The following CLDN14 variants were observed in gnomAD, a reference collection of about 807,000 sequenced individuals.
CLDN14 encodes the protein claudin-14.
A neutral mutation model predicts 2.1 loss-of-function variants in CLDN14; 2 were observed. That is an observed-to-expected ratio of 0.96 (90% CI 0.39 to 3.01). The LOEUF is 3.01. Among genes scored for constraint, CLDN14 ranks in the 30% most tolerant of loss-of-function variants. The pLI is 0.09. For synonymous variants in CLDN14, 136 were observed against 154.4 expected, an observed-to-expected ratio of 0.88 and a Z score of 0.88; for missense variants, 298 against 328.0, an observed-to-expected ratio of 0.91 and a Z score of 0.71.
intron 1 of CLDN14, among the ~76,000 whole-genome samples, chr21:36,475,910 G>T (rs2086772914): frequency 6.6e-6 from 1 of 152,052 alleles, no homozygotes; most frequent in African/African-American, 2.4e-5. Context: ...GACTTCAAAT[G>T]ATCTGCCCTC....
At chr21:36,574,032 C>T (rs2087726227) in intron 1 of CLDN14, among the ~76,000 whole-genome samples, 1 of 151,998 alleles carries the variant, frequency 6.6e-6, no homozygotes, top group South Asian at 2.1e-4. Context: ...CAGCAAGTTT[C>T]TTTTAAAGAA....
chr21:36,506,280 A>G (rs2087131870), intron 2 of CLDN14, among the ~76,000 whole-genome samples: 1 of 152,260 alleles, frequency 6.6e-6, no homozygotes, highest in Non-Finnish European at 1.5e-5. Context: ...CAGTGTGTAC[A>G]GCATGATCCT....
At chr21:36,492,767 T>A (rs1028807636) in intron 2 of CLDN14, among the ~76,000 whole-genome samples, 2 of 152,194 alleles carry the variant, frequency 1.3e-5, no homozygotes, top group African/African-American at 4.8e-5. Flanking sequence ...ATGATGCGAC[T>A]ACAAGCCAGG....
At chr21:36,568,887 T>C (rs1029063369) in intron 1 of CLDN14, among the ~76,000 whole-genome samples, 14 of 152,220 alleles carry the variant, frequency 9.2e-5, no homozygotes, top group African/African-American at 3.4e-4. Context: ...TTGAATCCAA[T>C]AACCCATCAA....
chr21:36,529,527 A>G (rs2087363015), intron 1 of CLDN14, among the ~76,000 whole-genome samples: 1 of 152,120 alleles, frequency 6.6e-6, no homozygotes, highest in South Asian at 2.1e-4. Context: ...GATCTGCCAG[A>G]GGCCTCCCAA....
At chr21:36,567,355 T>C (rs2087680621) in intron 1 of CLDN14, among the ~76,000 whole-genome samples, 2 of 152,228 alleles carry the variant, frequency 1.3e-5, no homozygotes, top group South Asian at 2.1e-4. Flanking sequence ...AATTAAGAGA[T>C]AGAGAAGCCC....
intron 1 of CLDN14, among the ~76,000 whole-genome samples, chr21:36,545,535 C>G (rs2087520643): frequency 6.6e-6 from 1 of 152,172 alleles, no homozygotes; most frequent in African/African-American, 2.4e-5. Context: ...TAGAGGGGCT[C>G]TTTGTGCCTA....
In CLDN14 at chr21:36,493,916, G is replaced by A. The variant is rs923820274; in HGVS notation, c.-82+16447C>T. The stretch of plus-strand genomic sequence containing the variant: ...CCCAAAGCAGGTATAGAGTGGCTGG[G>A]CACCAAGTCCTGGCTGGGAGCCAGT... On this transcript the variant is annotated intron_variant, in intron 2 of 2. Transcript: ENST00000342108. 2.6e-5 allele frequency among the ~76,000 whole-genome samples: 4 copies of A among 152,292 alleles called. No individual in the cohort carries two copies. The East Asian group carries it at 7.7e-4, about 29-fold the overall frequency.
At chr21:36,536,726 A>C (rs1302333499) in intron 1 of CLDN14, among the ~76,000 whole-genome samples, 1 of 152,222 alleles carries the variant, frequency 6.6e-6, no homozygotes. Flanking sequence ...ATGTTAAGAA[A>C]ATATTTTCTC....
intron 1 of CLDN14, among the ~76,000 whole-genome samples, chr21:36,526,839 T>C (rs1445867959): frequency 2.0e-5 from 3 of 152,116 alleles, no homozygotes; most frequent in East Asian, 1.9e-4. Context: ...AGGCAGCTGC[T>C]AGGTATGGTT....
chr21:36,550,543 T>C (rs1174127727), intron 1 of CLDN14, among the ~76,000 whole-genome samples: 1 of 152,158 alleles, frequency 6.6e-6, no homozygotes, highest in Non-Finnish European at 1.5e-5. Context: ...CGCCAGGGTT[T>C]CTCAGGTGCT....
chr21:36,512,701 A>AT (rs1345006735), intron 1 of CLDN14, among the ~76,000 whole-genome samples: 16 of 152,340 alleles, frequency 1.1e-4, no homozygotes, highest in Middle Eastern at 3.4e-3. Context: ...GCATGTGAAC[A>AT]TATCTGTGTA....
At chr21:36,567,726 C>T (rs2087683392) in intron 1 of CLDN14, among the ~76,000 whole-genome samples, 1 of 152,156 alleles carries the variant, frequency 6.6e-6, no homozygotes, top group South Asian at 2.1e-4. Context: ...TGAAACTGTC[C>T]AGGCTCCATT....
intron 1 of CLDN14, among the ~76,000 whole-genome samples, chr21:36,516,438 C>T (rs1248855735): frequency 6.6e-6 from 1 of 152,206 alleles, no homozygotes; most frequent in Non-Finnish European, 1.5e-5. Context: ...AAAACAGAAA[C>T]TTCCCTCTCG....
In CLDN14 at chr21:36,498,655, C is replaced by G. The variant is rs1053446236; in HGVS notation, c.-82+11708G>C. Among the ~76,000 whole-genome samples, 1 of 152,186 alleles carries G rather than the reference C, an allele frequency of 6.6e-6. No individual in the cohort carries two copies. The highest frequency in any genetic ancestry group is 1.5e-5 in the Non-Finnish European group (1 of 68,028). The stretch of plus-strand genomic sequence containing the variant: ...TGGCTAAGCTCTCTTCCCCTCCACC[C>G]TGGAAAAAATGAACATAGGATCTGG... On this transcript the variant is annotated intron_variant, in intron 2 of 2. Transcript: ENST00000342108. The surrounding 1 kb of genome is among the most constrained non-coding windows in gnomAD (Gnocchi z 4.9).
intron 2 of CLDN14, among the ~76,000 whole-genome samples, chr21:36,487,963 T>C (rs2086914433): frequency 6.6e-6 from 1 of 152,068 alleles, no homozygotes; most frequent in Non-Finnish European, 1.5e-5. Context: ...TATAAAGAGA[T>C]CAAAAGCATG....
At chr21:36,513,043 CCTT>C (rs2087198123) in intron 1 of CLDN14, among the ~76,000 whole-genome samples, 1 of 152,204 alleles carries the variant, frequency 6.6e-6, no homozygotes, top group Non-Finnish European at 1.5e-5. Context: ...TCCTCTTCCT[CCTT>C]GTTTACAGAA....
intron 2 of CLDN14, among the ~76,000 whole-genome samples, chr21:36,501,404 G>A (rs1258996566): frequency 1.7e-5 from 2 of 115,594 alleles, no homozygotes; most frequent in Non-Finnish European, 3.3e-5. Flanking sequence ...ACATTAGTGT[G>A]AGTTGTAGAA....
At chr21:36,471,719 A>G (rs565009641) in intron 1 of CLDN14, among the ~76,000 whole-genome samples, 2 of 152,382 alleles carry the variant, frequency 1.3e-5, no homozygotes, top group East Asian at 3.9e-4. Context: ...CCAAACAAGC[A>G]ATAGGACATT....
Sources: allele counts gnomAD v4.1 joint callset (sites outside exome capture counted in the v4.1 genomes callset), GRCh38; gene constraint gnomAD v4.1.1; non-coding constraint Gnocchi (gnomAD v3.1); transcripts MANE v1.5; gene names NCBI Gene and HGNC (gene_info 2026-07-23, HGNC 2026-07-21).